The following TRMT44 variants were observed in gnomAD, a reference collection of about 807,000 sequenced individuals.
TRMT44 encodes the protein tRNA methyltransferase 44 homolog, also known as probable tRNA (uracil-O(2)-)-methyltransferase.
In TRMT44, 78 loss-of-function variants were observed where a neutral mutation model predicts 77.3. That is an observed-to-expected ratio of 1.01 (90% CI 0.84 to 1.22). TRMT44 has a LOEUF of 1.22. Among genes scored for constraint, TRMT44 ranks in the 50% most tolerant of loss-of-function variants. The pLI, the probability that TRMT44 is intolerant of heterozygous loss-of-function variation, is 0.00. For synonymous variants in TRMT44, 391 were observed against 383.3 expected, an observed-to-expected ratio of 1.02 and a Z score of -0.23; for missense variants, 1,090 against 964.4, an observed-to-expected ratio of 1.13 and a Z score of -1.73.
chr4:8,448,697 T>G (rs1725222761), intron 2 of TRMT44, among the ~76,000 whole-genome samples: 1 of 152,218 alleles, frequency 6.6e-6, no homozygotes, highest in South Asian at 2.1e-4. Context: ...AGACCCACTT[T>G]GGGGTTGACT....
chr4:8,484,503 A>G (rs190460223), intron 2 of TRMT44, among the ~76,000 whole-genome samples: 2 of 152,372 alleles, frequency 1.3e-5, no homozygotes, highest in South Asian at 2.1e-4. Context: ...GCACAGAGAC[A>G]TGATGGCAAG....
chr4:8,497,962 C>G (rs116672253), downstream of TRMT44, among the ~76,000 whole-genome samples: 894 of 152,298 alleles, frequency 5.9e-3, 14 homozygotes, highest in African/African-American at 0.02. Flanking sequence ...GGAGCAGGAG[C>G]TGTGCCCTCT....
intron 5 of TRMT44, 57 bp downstream of exon 5, chr4:8,453,046 G>C: frequency 9.1e-7 from 1 of 1,096,528 alleles, no homozygotes; most frequent in South Asian, 1.6e-5. Context: ...CCTCAAGTCA[G>C]GCACAGGGTT....
chr4:8,452,061 G>A lies in TRMT44; in HGVS notation c.1023+33G>A. On this transcript the variant is annotated intron_variant, in intron 4 of 10. Coordinates refer to ENST00000389737, the MANE Select transcript of TRMT44 (RefSeq NM_152544.3). This position sits in a 1 kb window ranked among gnomAD's most constrained non-coding sequence, Gnocchi z 5.7. Reference sequence around the variant, plus strand: ...TGTAAGCGACCTCAGCTTCTCTGGAGTGGGTGGAGTTTGCTACAGGCAGAT... The same window carrying A: ...TGTAAGCGACCTCAGCTTCTCTGGAATGGGTGGAGTTTGCTACAGGCAGAT... The A allele has an allele frequency of 6.6e-7, 1 of 1,526,300 alleles. No individual in the cohort carries two copies. The highest frequency in any genetic ancestry group is 1.2e-5 in the South Asian group (1 of 83,886). 94.5% of individuals were successfully genotyped at this position (1,526,300 alleles called of 1,614,324 possible). A position where few individuals can be genotyped will look rare whatever the true frequency, so the allele number is the denominator to read the frequency against.
At chr4:8,491,542 C>T (rs555424546) in intron 2 of TRMT44, among the ~76,000 whole-genome samples, 80 of 152,232 alleles carry the variant, frequency 5.3e-4, no homozygotes, top group Non-Finnish European at 9.1e-4. Flanking sequence ...CTGCATGTCC[C>T]GAGCCCTGCC....
the TRMT44 span, among the ~76,000 whole-genome samples, chr4:8,498,719 T>C: frequency 6.6e-6 from 1 of 152,056 alleles, no homozygotes; most frequent in Non-Finnish European, 1.5e-5. This position sits in a 1 kb window ranked among gnomAD's most constrained non-coding sequence, Gnocchi z 4.3. Context: ...CAGCTGCCTG[T>C]GTTAGCTTGG....
At chr4:8,459,514 T>C (rs1037489543) in intron 6 of TRMT44, among the ~76,000 whole-genome samples, 9 of 152,226 alleles carry the variant, frequency 5.9e-5, no homozygotes, top group African/African-American at 2.2e-4. Context: ...CTTCTGTTCT[T>C]GACCATCTGT....
chr4:8,467,586 TCCTCCTGCCTCAG>T (rs1726673526), intron 8 of TRMT44, among the ~76,000 whole-genome samples: 1 of 152,214 alleles, frequency 6.6e-6, no homozygotes, highest in Non-Finnish European at 1.5e-5. Flanking sequence ...GTTCAAATGA[TCCTCCTGCCTCAG>T]CCTCCTGAGT....
At chr4:8,499,612 C>T in the TRMT44 span, among the ~76,000 whole-genome samples, 3,614 of 150,922 alleles carry the variant, frequency 0.024, 147 homozygotes, top group African/African-American at 0.083. Flanking sequence ...TCCTGAGGGT[C>T]GATTTAGTGT....
At chr4:8,476,910 A>G (rs911107737), downstream of TRMT44, 52 of 152,112 alleles carry the variant, frequency 3.4e-4, no homozygotes, top group African/African-American at 1.2e-3. Flanking sequence ...TGCCTGGCCA[A>G]CTTTTAAAAT....
intron 7 of TRMT44, 71 bp from the exon 8 acceptor site, chr4:8,465,307 C>T: frequency 6.8e-7 from 1 of 1,468,774 alleles, no homozygotes; most frequent in Non-Finnish European, 9.2e-7. Context: ...TGCCGTGTGG[C>T]TTTGTTCCGA....
chr4:8,474,928 C>A (rs1727277138), intron 10 of TRMT44, among the ~76,000 whole-genome samples: 1 of 152,198 alleles, frequency 6.6e-6, no homozygotes, highest in African/African-American at 2.4e-5. Context: ...CTGGCCCCAC[C>A]CCACTCTGAT....
chr4:8,494,947 T>C (rs1728108835), downstream of TRMT44, among the ~76,000 whole-genome samples: 1 of 152,188 alleles, frequency 6.6e-6, no homozygotes, highest in African/African-American at 2.4e-5. Context: ...TGTGGTGGAC[T>C]GAAACATCGC....
chr4:8,516,701 C>G, the TRMT44 span, among the ~76,000 whole-genome samples: 1 of 152,104 alleles, frequency 6.6e-6, no homozygotes, highest in Non-Finnish European at 1.5e-5. Context: ...GAGTCTGAGT[C>G]CAAGAGATTG....
intron 2 of TRMT44, among the ~76,000 whole-genome samples, chr4:8,487,658 G>A (rs1277426407): frequency 2.6e-5 from 4 of 152,010 alleles, no homozygotes; most frequent in Admixed American, 2.0e-4. Flanking sequence ...GGGGGTTCTT[G>A]CCCCCTAGAA....
At position 8,465,367 on chromosome 4, in the gene TRMT44, T is replaced by C. The variant is rs1726460372; in HGVS notation, c.1311-11T>C. On this transcript the variant is annotated splice_polypyrimidine_tract_variant and intron_variant, in intron 7 of 10. Coordinates refer to ENST00000389737, the MANE Select transcript of TRMT44 (RefSeq NM_152544.3). ...GATGCTTGACCCTGTGGTTGTTGGT[T>C]CTTTTTGAAGGTCTTCCTACAATTG... is the stretch of plus-strand genomic sequence containing the variant. 1 of 1,602,592 alleles carries C rather than the reference T, an allele frequency of 6.2e-7. No individual in the cohort carries two copies. The highest frequency in any genetic ancestry group is 8.5e-7 in the Non-Finnish European group (1 of 1,174,554).
At position 8,451,941 on chromosome 4, in the gene TRMT44, G is replaced by C. The variant is rs1475490397; in HGVS notation, c.955-19G>C. 22 of 1,535,854 alleles carry C rather than the reference G, an allele frequency of 1.4e-5. No individual in the cohort carries two copies. The highest frequency in any genetic ancestry group is 2.7e-5 in the African/African-American group (2 of 73,018). On this transcript the variant is annotated intron_variant, in intron 3 of 10. Coordinates refer to ENST00000389737, the MANE Select transcript of TRMT44 (RefSeq NM_152544.3). The surrounding 1 kb of genome is among the most constrained non-coding windows in gnomAD (Gnocchi z 4.1). The stretch of plus-strand genomic sequence containing the variant: ...TGGGGAAACCGAACAATTTATGTTT[G>C]CTCTTGAAACTGTTTTAGGTGTGGC...
intron 6 of TRMT44, among the ~76,000 whole-genome samples, chr4:8,463,373 C>T (rs1354825957): frequency 6.6e-6 from 1 of 152,194 alleles, no homozygotes; most frequent in Non-Finnish European, 1.5e-5. Context: ...AAGCTGTCCT[C>T]AGCTTAACTG....
In TRMT44 at chr4:8,468,207, G is replaced by C; in HGVS notation, c.1788G>C (p.Glu596Asp). The part of the protein sequence containing the change: ...LPGFHPREKA[E>D]RVRNCAALPR... ...GATTTCATCCCAGAGAAAAGGCTGA[G>C]CGTGTGAGGAACTGTGCCGCCCTGC... Residue 596 changes from glutamate to aspartate, a missense_variant, in exon 9 of 11, where the codon GAG becomes GAC. Coordinates refer to ENST00000389737, the MANE Select transcript of TRMT44 (RefSeq NM_152544.3). 1 of 1,614,262 alleles carries C rather than the reference G, an allele frequency of 6.2e-7. No homozygotes were observed. Among genetic ancestry groups the C allele is most frequent in the Non-Finnish European group, 8.5e-7 (1 of 1,180,054 alleles).
Sources: allele counts gnomAD v4.1 joint callset (sites outside exome capture counted in the v4.1 genomes callset), GRCh38; gene constraint gnomAD v4.1.1; non-coding constraint Gnocchi (gnomAD v3.1); transcripts MANE v1.5; gene names NCBI Gene and HGNC (gene_info 2026-07-23, HGNC 2026-07-21).